DCUN1D2: variants seen among roughly 807,000 people sequenced by gnomAD.
DCUN1D2 encodes the protein DCN1-like protein 2.
DCUN1D2 carries 29 observed loss-of-function variants against 30.9 expected under a neutral mutation model. The observed-to-expected ratio is 0.94, with a 90% confidence interval of 0.70 to 1.28. DCUN1D2 has a LOEUF of 1.28. Ranked by LOEUF, DCUN1D2 falls within the 50% of genes most tolerant of loss-of-function variation. The pLI is 0.00. For synonymous variants in DCUN1D2, 121 were observed against 115.3 expected (o/e 1.05, Z -0.32); for missense variants, 325 against 316.9 (o/e 1.03, Z -0.19).
intron 3 of DCUN1D2, among the ~76,000 whole-genome samples, chr13:113,478,436 A>G (rs2044654144): frequency 6.6e-6 from 1 of 152,066 alleles, no homozygotes; most frequent in South Asian, 2.1e-4. Flanking sequence ...TCAAATAACA[A>G]GCTTCTAGCT....
At chr13:113,477,348 A>C (rs564907565) in intron 3 of DCUN1D2, among the ~76,000 whole-genome samples, 27 of 152,340 alleles carry the variant, frequency 1.8e-4, no homozygotes, top group African/African-American at 5.8e-4. Flanking sequence ...ACACATCTTC[A>C]ATCCAATTTA....
At chr13:113,465,956 G>C (rs1465853137) in intron 4 of DCUN1D2, among the ~76,000 whole-genome samples, 1 of 152,154 alleles carries the variant, frequency 6.6e-6, no homozygotes. Flanking sequence ...TGTGATATCA[G>C]CTGACTGCAA....
intron 4 of DCUN1D2, among the ~76,000 whole-genome samples, chr13:113,473,013 T>C (rs1253115389): frequency 9.2e-6 from 1 of 108,212 alleles, no homozygotes; most frequent in Admixed American, 1.2e-4. Context: ...CTGTCCCCCA[T>C]CTCTCTATCC....
In DCUN1D2 at chr13:113,456,378, A is replaced by G. The variant is rs138357183; in HGVS notation, c.*1651T>C. The G allele has an allele frequency of 1.0e-4, 40 of 398,890 alleles. No individual in the cohort carries two copies. Among genetic ancestry groups the G allele is most frequent in the African/African-American group, 7.2e-4 (35 of 48,752 alleles). 24.7% of individuals were successfully genotyped at this position (398,890 alleles called of 1,614,324 possible). On this transcript the variant is annotated 3_prime_UTR_variant, in exon 7 of 7. Coordinates refer to ENST00000478244, the MANE Select transcript of DCUN1D2 (RefSeq NM_001014283.2). Reference sequence around the variant, plus strand: ...AGTTCGTCCTGCAGCCTCCAAGCACACTAACCTCAGCCATCAGATGTTCCT... The same window carrying G: ...AGTTCGTCCTGCAGCCTCCAAGCACGCTAACCTCAGCCATCAGATGTTCCT...
At position 113,459,363 on chromosome 13, in the gene DCUN1D2, G is replaced by C. The variant is rs771127628; in HGVS notation, c.649C>G (p.Leu217Val). 2 of 1,605,314 alleles carry C rather than the reference G, an allele frequency of 1.2e-6. No individual in the cohort carries two copies. The highest frequency in any genetic ancestry group is 1.7e-6 in the Non-Finnish European group (2 of 1,172,162). ...SIPRDTWNLL[L>V]DFGNMIADDM... Reference sequence around the variant, plus strand: ...TCCGCAATCATGTTTCCAAAGTCCAGCAGGAGGTTCCAGGTGTCCCTTGGA... The same window carrying C: ...TCCGCAATCATGTTTCCAAAGTCCACCAGGAGGTTCCAGGTGTCCCTTGGA... Residue 217 changes from leucine to valine, a missense_variant, in exon 6 of 7, where the codon CTG becomes GTG. Coordinates refer to ENST00000478244, the MANE Select transcript of DCUN1D2 (RefSeq NM_001014283.2).
chr13:113,490,693 G>T lies in DCUN1D2; in HGVS notation c.-24C>A. 2 of 1,219,754 alleles carry T rather than the reference G, an allele frequency of 1.6e-6. No individual in the cohort carries two copies. The highest frequency in any genetic ancestry group is 4.3e-5 in the Admixed American group (1 of 23,082). 75.6% of individuals were successfully genotyped at this position (1,219,754 alleles called of 1,614,324 possible). A position where few individuals can be genotyped will look rare whatever the true frequency, so the allele number is the denominator to read the frequency against. ...ATCTCCCCCGCGCCGCCCGCTTCTG[G>T]CCGGCCCCGGCCTTCTGCGCAGGCG... On this transcript the variant is annotated 5_prime_UTR_variant, in exon 1 of 7. Transcript: ENST00000478244. The surrounding 1 kb of genome is among the most constrained non-coding windows in gnomAD (Gnocchi z 5.2).
chr13:113,474,345 G>A (rs962830321), intron 3 of DCUN1D2, 91 bp from the exon 4 acceptor site: 20 of 1,502,400 alleles, frequency 1.3e-5, no homozygotes, highest in South Asian at 2.5e-5. Flanking sequence ...GACCAGGCAC[G>A]CAGCTCCAGC....
chr13:113,458,185 C>A, intron 6 of DCUN1D2, 77 bp from the exon 7 acceptor site: 1 of 1,207,128 alleles, frequency 8.3e-7, no homozygotes, highest in Non-Finnish European at 1.2e-6. Flanking sequence ...CACATCAATC[C>A]AACATTTACA....
intron 3 of DCUN1D2, among the ~76,000 whole-genome samples, chr13:113,480,098 A>T (rs1330327515): frequency 3.3e-5 from 5 of 152,236 alleles, no homozygotes; most frequent in Non-Finnish European, 7.3e-5. Flanking sequence ...ATTTACTTTT[A>T]TAACTTATCT....
intron 1 of DCUN1D2, chr13:113,489,037 C>CA (rs1463372975): frequency 1.3e-6 from 1 of 783,760 alleles, no homozygotes; most frequent in Non-Finnish European, 1.5e-6. Flanking sequence ...CAAGGATACC[C>CA]ATATGTAAAA....
intron 1 of DCUN1D2, among the ~76,000 whole-genome samples, chr13:113,486,152 T>C (rs889957258): frequency 6.6e-6 from 1 of 152,144 alleles, no homozygotes; most frequent in Non-Finnish European, 1.5e-5. Context: ...ATATATACCA[T>C]GGCATACTAC....
intron 4 of DCUN1D2, among the ~76,000 whole-genome samples, chr13:113,466,799 G>T: frequency 7.1e-6 from 1 of 140,150 alleles, no homozygotes; most frequent in South Asian, 2.2e-4. Context: ...ACTGTCCTTT[G>T]GATTTTTTTT....
At chr13:113,469,871 T>C in intron 4 of DCUN1D2, among the ~76,000 whole-genome samples, 1 of 151,962 alleles carries the variant, frequency 6.6e-6, no homozygotes, top group Non-Finnish European at 1.5e-5. Context: ...TTTTTAAGTG[T>C]GATCATTGAC....
At chr13:113,460,314 G>A (rs939703092) in intron 5 of DCUN1D2, among the ~76,000 whole-genome samples, 1 of 152,222 alleles carries the variant, frequency 6.6e-6, no homozygotes, top group Non-Finnish European at 1.5e-5. Context: ...TGTGTCACCT[G>A]GTGTCAGGTG....
At chr13:113,482,858 G>A (rs576885678) in intron 2 of DCUN1D2, among the ~76,000 whole-genome samples, 8 of 152,232 alleles carry the variant, frequency 5.3e-5, no homozygotes, top group African/African-American at 1.7e-4. Flanking sequence ...CAGGAGAATC[G>A]CTTGAATGTG....
At chr13:113,489,232 T>C in intron 1 of DCUN1D2, 2 of 774,564 alleles carry the variant, frequency 2.6e-6, no homozygotes, top group Non-Finnish European at 3.1e-6. Context: ...TCGGCAGCAG[T>C]GGAACGCTCC....
intron 4 of DCUN1D2, among the ~76,000 whole-genome samples, chr13:113,471,349 C>A (rs1195790616): frequency 2.0e-5 from 3 of 150,224 alleles, no homozygotes; most frequent in Admixed American, 6.6e-5. Flanking sequence ...CATAGAAGAC[C>A]CAACTCCACA....
At chr13:113,484,953 C>T (rs1208785033) in intron 1 of DCUN1D2, among the ~76,000 whole-genome samples, 1 of 152,096 alleles carries the variant, frequency 6.6e-6, no homozygotes, top group South Asian at 2.1e-4. Context: ...TGGCATGCGC[C>T]TATAGTCCCA....
At position 113,488,162 on chromosome 13, in the gene DCUN1D2, A is replaced by T. The variant is rs2044841339; in HGVS notation, c.3+2505T>A. On this transcript the variant is annotated intron_variant, in intron 1 of 6. Transcript: ENST00000478244. This position sits in a 1 kb window ranked among gnomAD's most constrained non-coding sequence, Gnocchi z 4.3. Reference sequence around the variant, plus strand: ...AAAATGGCTTTGAATCACTACTGTTAGCTAGAGTGGACAGAAGTCGGTATC... The same window carrying T: ...AAAATGGCTTTGAATCACTACTGTTTGCTAGAGTGGACAGAAGTCGGTATC... Among the ~76,000 whole-genome samples, 1 of 152,228 alleles carries T rather than the reference A, an allele frequency of 6.6e-6. No individual in the cohort carries two copies. Among genetic ancestry groups the T allele is most frequent in the South Asian group, 2.1e-4 (1 of 4,832 alleles).
Sources: allele counts gnomAD v4.1 joint callset (sites outside exome capture counted in the v4.1 genomes callset), GRCh38; gene constraint gnomAD v4.1.1; non-coding constraint Gnocchi (gnomAD v3.1); transcripts MANE v1.5; gene names NCBI Gene and HGNC (gene_info 2026-07-23, HGNC 2026-07-21).